The following ELP2 variants were observed in gnomAD, a reference collection of about 807,000 sequenced individuals.
The protein encoded by ELP2 is elongator acetyltransferase complex subunit 2, also known as elongator complex protein 2.
In ELP2, 90 loss-of-function variants were observed where a neutral mutation model predicts 119.2. The observed-to-expected ratio is 0.75, with a 90% CI of 0.64 to 0.90. The LOEUF is 0.90. Among genes scored for constraint, ELP2 ranks in the 40% least tolerant of loss-of-function variants. The pLI, the probability that ELP2 is intolerant of heterozygous loss-of-function variation, is 0.00. For missense variants in ELP2, 921 were observed against 967.8 expected, an observed-to-expected ratio of 0.95 and a Z score of 0.64; for synonymous variants, 339 against 331.0, an observed-to-expected ratio of 1.02 and a Z score of -0.26.
chr18:36,159,704 AC>A (rs1469977169), intron 14 of ELP2, 30 bp from the exon 15 acceptor site: 52 of 1,493,046 alleles, frequency 3.5e-5, no homozygotes, highest in Non-Finnish European at 4.9e-5. Context: ...AAAAATAGTG[AC>A]TATATTCTTG....
intron 11 of ELP2, among the ~76,000 whole-genome samples, chr18:36,147,087 T>G (rs2090231851): frequency 6.6e-6 from 1 of 150,626 alleles, no homozygotes; most frequent in Non-Finnish European, 1.5e-5. Flanking sequence ...GGTAGTTTTT[T>G]TTTTTTTTTT....
At position 36,144,979 on chromosome 18, in the gene ELP2, A is replaced by G. The variant is rs2090151678; in HGVS notation, c.837A>G (p.Leu279=). The part of the protein sequence containing the change: ...IAFAVTLETV[L]AGHENWVNAV... ...TTGCTGTTACTCTGGAGACAGTGCTAGCCGGTCATGAAAACTGGGTAAATG... is the reference window on the plus strand; with the variant it reads ...TTGCTGTTACTCTGGAGACAGTGCTGGCCGGTCATGAAAACTGGGTAAATG... The change falls in exon 9 of 22, where the codon CTA becomes CTG. Residue 279 remains leucine, a synonymous_variant. Transcript: ENST00000358232. The G allele has an allele frequency of 6.2e-7, 1 of 1,613,930 alleles. No homozygotes were observed. The highest frequency in any genetic ancestry group is 8.5e-7 in the Non-Finnish European group (1 of 1,179,922).
intron 18 of ELP2, among the ~76,000 whole-genome samples, chr18:36,166,288 A>G (rs924784875): frequency 2.0e-5 from 3 of 148,606 alleles, no homozygotes; most frequent in East Asian, 3.9e-4. Flanking sequence ...TTCCCTCCTC[A>G]TAAACAGTTA....
intron 13 of ELP2, among the ~76,000 whole-genome samples, chr18:36,157,966 T>C (rs1327471641): frequency 6.6e-6 from 1 of 152,206 alleles, no homozygotes; most frequent in African/African-American, 2.4e-5. Flanking sequence ...TTCTGTGTCC[T>C]AAGATACAGG....
chr18:36,160,447 C>T (rs545446495), intron 16 of ELP2, among the ~76,000 whole-genome samples: 2 of 152,022 alleles, frequency 1.3e-5, no homozygotes, highest in East Asian at 3.9e-4. Context: ...CATGATGATG[C>T]ATGCCTGTAG....
intron 15 of ELP2, 45 bp downstream of exon 15, chr18:36,159,875 G>C (rs1364996365): frequency 1.2e-6 from 2 of 1,602,718 alleles, no homozygotes; most frequent in South Asian, 1.1e-5. Context: ...AGAACACACA[G>C]TATGTTATCT....
At chr18:36,161,672 A>T (rs1313597518) in intron 17 of ELP2, among the ~76,000 whole-genome samples, 1 of 152,140 alleles carries the variant, frequency 6.6e-6, no homozygotes, top group African/African-American at 2.4e-5. Flanking sequence ...TTCGTCTTAA[A>T]TTTTCTGAAA....
chr18:36,167,445 T>G (rs1371754466), intron 19 of ELP2, among the ~76,000 whole-genome samples: 2 of 152,170 alleles, frequency 1.3e-5, no homozygotes. Context: ...AGAAGACCTT[T>G]CAGACATATG....
At chr18:36,133,881 T>C (rs1160661752) in intron 2 of ELP2, among the ~76,000 whole-genome samples, 9 of 149,090 alleles carry the variant, frequency 6.0e-5, no homozygotes, top group Non-Finnish European at 1.3e-4. Context: ...CACCACGCCT[T>C]TCTAGTTTTT....
Position 36,170,168 on chromosome 18 carries a change from G to C in ELP2, c.2182G>C (p.Val728Leu). 1.2e-6 allele frequency: 2 copies of C among 1,614,068 alleles called. No homozygotes were observed. Among genetic ancestry groups the C allele is most frequent in the South Asian group, 2.2e-5 (2 of 91,070 alleles). ...DVGGAVTAVS[V>L]CPVLHPSQRY... The stretch of plus-strand genomic sequence containing the variant: ...GGGTGGGGCTGTGACAGCTGTCAGC[G>C]TCTGCCCAGTGCTCCACCCTTCTCA... The change falls in exon 20 of 22, where the codon GTC (valine) becomes CTC (leucine). Residue 728 changes from valine to leucine, a missense_variant. Val to Leu is a conservative substitution (Grantham distance 32). Transcript: ENST00000358232.
At chr18:36,138,494 A>G (rs927512937) in intron 4 of ELP2, 68 bp downstream of exon 4, 8 of 1,491,962 alleles carry the variant, frequency 5.4e-6, no homozygotes, top group Non-Finnish European at 6.5e-6. Flanking sequence ...CGAGTAGAAG[A>G]GCATATATAT....
chr18:36,160,365 A>G (rs2090698021), intron 16 of ELP2, among the ~76,000 whole-genome samples: 1 of 152,118 alleles, frequency 6.6e-6, no homozygotes, highest in Non-Finnish European at 1.5e-5. Context: ...ACTTGAGGCC[A>G]GGAGTTTGAG....
In ELP2 at chr18:36,141,156, C is replaced by G. The variant is rs576271380; in HGVS notation, c.543C>G (p.Gly181=). ...CCCCAGTACCAATATTAGCATGTGGCAATGATGATTGCAGAATTCACATAT... is the reference window on the plus strand; with the variant it reads ...CCCCAGTACCAATATTAGCATGTGGGAATGATGATTGCAGAATTCACATAT... ...PNTDVPILAC[G]NDDCRIHIFA... The change falls in exon 6 of 22, where the codon GGC becomes GGG. Residue 181 remains glycine, a synonymous_variant. Transcript: ENST00000358232. 13 of 1,613,640 alleles carry G rather than the reference C, an allele frequency of 8.1e-6. No individual in the cohort carries two copies. In the South Asian group the frequency reaches 1.3e-4, roughly 16 times the overall value.
intron 13 of ELP2, among the ~76,000 whole-genome samples, chr18:36,157,829 G>T (rs1245286405): frequency 6.6e-6 from 1 of 152,142 alleles, no homozygotes; most frequent in African/African-American, 2.4e-5. Flanking sequence ...AGCCTTAATT[G>T]TGGTTATTAT....
chr18:36,139,282 C>A, intron 5 of ELP2: 1 of 740,522 alleles, frequency 1.4e-6, no homozygotes, highest in Non-Finnish European at 2.1e-6. Flanking sequence ...CGAATAATGA[C>A]ATTTTGCCCA....
rs1377207495 is a variant in ELP2, at chr18:36,174,468, C to T, written c.2325-17C>T. On this transcript the variant is annotated splice_polypyrimidine_tract_variant and intron_variant, in intron 21 of 21. Coordinates refer to ENST00000358232, the MANE Select transcript of ELP2 (RefSeq NM_018255.4). ...TAATTGGAAAAACATTTCATGATTT[C>T]TCTATCTTTGTTTTAGCCAAAGTCA... 2.5e-6 allele frequency: 4 copies of T among 1,611,834 alleles called. No individual in the cohort carries two copies. The East Asian group carries it at 8.9e-5, about 36-fold the overall frequency.
intron 13 of ELP2, among the ~76,000 whole-genome samples, chr18:36,157,314 C>T (rs1054913467): frequency 6.6e-6 from 1 of 152,104 alleles, no homozygotes; most frequent in African/African-American, 2.4e-5. Context: ...CAGTCCTTCA[C>T]TTAGAGTTGA....
intron 17 of ELP2, among the ~76,000 whole-genome samples, chr18:36,163,793 A>G (rs571223395): frequency 2.6e-5 from 4 of 152,114 alleles, no homozygotes; most frequent in African/African-American, 4.8e-5. Context: ...ATTCAGTTCT[A>G]TTGATCTTTT....
intron 9 of ELP2, chr18:36,145,248 C>A: frequency 1.9e-6 from 1 of 519,336 alleles, no homozygotes; most frequent in South Asian, 2.1e-5. Context: ...GTAATTCCTG[C>A]CATGATGCTG....
Sources: gnomAD v4.1 joint callset for allele counts (sites outside exome capture counted in the v4.1 genomes callset) on GRCh38, gnomAD v4.1.1 for gene constraint, MANE v1.5 for transcripts, NCBI Gene and HGNC (gene_info 2026-07-23, HGNC 2026-07-21) for gene names.